The following CALD1 variants were observed in gnomAD, a reference collection of about 807,000 sequenced individuals.
CALD1 encodes the protein caldesmon 1, also known as caldesmon.
CALD1 carries 33 observed loss-of-function variants against 99.9 expected under a neutral mutation model. That is an observed-to-expected ratio of 0.33 (90% CI 0.25 to 0.44). The LOEUF is 0.44. Among genes scored for constraint, CALD1 ranks in the 20% least tolerant of loss-of-function variants. The pLI, the probability that CALD1 is intolerant of heterozygous loss-of-function variation, is 1.00. For missense variants in CALD1, 861 were observed against 962.1 expected (o/e 0.89, Z 1.39); for synonymous variants, 310 against 325.0 (o/e 0.95, Z 0.50).
chr7:134,835,257 C>T (rs1799386830), intron 1 of CALD1, among the ~76,000 whole-genome samples: 1 of 152,152 alleles, frequency 6.6e-6, no homozygotes, highest in East Asian at 1.9e-4. Context: ...TGCTGCTGCC[C>T]AGATTCTCTC....
intron 1 of CALD1, among the ~76,000 whole-genome samples, chr7:134,837,626 C>T (rs937427633): frequency 3.3e-5 from 5 of 152,132 alleles, no homozygotes; most frequent in Admixed American, 1.3e-4. Flanking sequence ...GGATTACAGG[C>T]GTGAGCCAAT....
intron 1 of CALD1, among the ~76,000 whole-genome samples, chr7:134,843,476 G>T (rs1420894347): frequency 6.6e-6 from 1 of 152,136 alleles, no homozygotes; most frequent in Non-Finnish European, 1.5e-5. Flanking sequence ...TCACTAACAA[G>T]GTAGTTCATG....
chr7:134,890,226 C>A (rs1349592913), intron 3 of CALD1, among the ~76,000 whole-genome samples: 1 of 152,088 alleles, frequency 6.6e-6, no homozygotes, highest in Non-Finnish European at 1.5e-5. Flanking sequence ...ACTCTGATGA[C>A]CGCATAGTAT....
chr7:134,771,029 CAGG>C (rs1796873975), intron 1 of CALD1, among the ~76,000 whole-genome samples: 1 of 152,174 alleles, frequency 6.6e-6, no homozygotes, highest in African/African-American at 2.4e-5. Context: ...TTAACAAAAG[CAGG>C]AGTCCTCCAC....
At chr7:134,899,758 C>T (rs1003561286) in intron 3 of CALD1, 2 of 152,684 alleles carry the variant, frequency 1.3e-5, no homozygotes, top group Admixed American at 6.5e-5. Context: ...ATCTTCCCAC[C>T]TCAGCTTCCT....
intron 1 of CALD1, among the ~76,000 whole-genome samples, chr7:134,796,221 T>C (rs1320913747): frequency 6.6e-6 from 1 of 152,214 alleles, no homozygotes; most frequent in Non-Finnish European, 1.5e-5. Flanking sequence ...CCACAGCTGA[T>C]AATCTGTGTG....
chr7:134,915,823 G>A (rs191586051), intron 3 of CALD1, among the ~76,000 whole-genome samples: 5 of 152,260 alleles, frequency 3.3e-5, no homozygotes, highest in African/African-American at 1.2e-4. Context: ...GGTCAGGCTG[G>A]CTTTTTACCA....
chr7:134,843,457 G>A (rs542526978), intron 1 of CALD1, among the ~76,000 whole-genome samples: 8 of 152,148 alleles, frequency 5.3e-5, no homozygotes, highest in Non-Finnish European at 1.0e-4. Flanking sequence ...AAGCCTTTCT[G>A]TCTTTGTCTC....
intron 2 of CALD1, among the ~76,000 whole-genome samples, chr7:134,864,347 CAA>C (rs71172479): frequency 6.3e-5 from 8 of 126,864 alleles, no homozygotes; most frequent in Admixed American, 3.3e-4. Context: ...AACTCCATCT[CAA>C]AAAAAAAAAA....
chr7:134,888,775 T>A (rs1802001623), intron 3 of CALD1, among the ~76,000 whole-genome samples: 1 of 152,232 alleles, frequency 6.6e-6, no homozygotes, highest in African/African-American at 2.4e-5. Context: ...AGACAGCTGC[T>A]TCCCAAATGC....
At chr7:134,892,420 G>C (rs775492697) in intron 3 of CALD1, among the ~76,000 whole-genome samples, 3 of 152,132 alleles carry the variant, frequency 2.0e-5, no homozygotes, top group Non-Finnish European at 4.4e-5. Flanking sequence ...AAACTTACTG[G>C]GTCTTGGGAA....
intron 2 of CALD1, among the ~76,000 whole-genome samples, chr7:134,861,367 C>A (rs915622928): frequency 1.7e-4 from 26 of 152,222 alleles, no homozygotes; most frequent in Non-Finnish European, 3.4e-4. Flanking sequence ...ATGTTGTACC[C>A]AGAAATCACC....
chr7:134,773,306 CCT>C (rs1796890946), intron 1 of CALD1, among the ~76,000 whole-genome samples: 2 of 150,484 alleles, frequency 1.3e-5, no homozygotes, highest in Non-Finnish European at 3.0e-5. Context: ...ACAAGATCTA[CCT>C]CTGTTTCCCA....
chr7:134,730,990 C>T, the CALD1 span, among the ~76,000 whole-genome samples: 13 of 152,058 alleles, frequency 8.5e-5, no homozygotes, highest in South Asian at 4.2e-4. Flanking sequence ...CATTCCATGC[C>T]GTCTACCCTA....
chr7:134,939,205 AG>A (rs1806233830), intron 6 of CALD1, among the ~76,000 whole-genome samples: 1 of 152,222 alleles, frequency 6.6e-6, no homozygotes, highest in Non-Finnish European at 1.5e-5. Flanking sequence ...GACAGCCATC[AG>A]GGAGCCACAG....
intron 3 of CALD1, among the ~76,000 whole-genome samples, chr7:134,918,749 A>T (rs773841225): frequency 1.6e-4 from 24 of 152,202 alleles, no homozygotes; most frequent in Non-Finnish European, 2.4e-4. Flanking sequence ...GTAACCCAGA[A>T]CTTTGGGAGG....
At chr7:134,789,278 C>T (rs1797428479) in intron 1 of CALD1, among the ~76,000 whole-genome samples, 1 of 152,104 alleles carries the variant, frequency 6.6e-6, no homozygotes, top group Non-Finnish European at 1.5e-5. Context: ...GCTAAGGTCC[C>T]ACAGCTAGTA....
At chr7:134,804,726 A>G (rs1798072113) in intron 1 of CALD1, among the ~76,000 whole-genome samples, 1 of 152,222 alleles carries the variant, frequency 6.6e-6, no homozygotes, top group South Asian at 2.1e-4. Context: ...TACTTGATTA[A>G]TTTATTGGCT....
intron 2 of CALD1, among the ~76,000 whole-genome samples, chr7:134,852,492 A>T (rs1432357604): frequency 2.6e-5 from 4 of 152,130 alleles, no homozygotes; most frequent in African/African-American, 9.7e-5. Flanking sequence ...GAATAACTCC[A>T]TTCAAAACCA....
Sources: gnomAD v4.1 joint callset for allele counts (sites outside exome capture counted in the v4.1 genomes callset) on GRCh38, gnomAD v4.1.1 for gene constraint, MANE v1.5 for transcripts, NCBI Gene and HGNC (gene_info 2026-07-23, HGNC 2026-07-21) for gene names.